PDLIM5: variants seen among roughly 807,000 people sequenced by gnomAD.
PDLIM5 encodes the protein PDZ and LIM domain 5.
Under a neutral mutation model 64.2 loss-of-function variants are expected in PDLIM5, and 34 were observed. The ratio of observed to expected loss-of-function variants is 0.53; its 90% CI spans 0.40 to 0.71. The LOEUF (loss-of-function observed/expected upper bound fraction) is 0.71, where lower values mean the gene tolerates loss of function less well. PDLIM5 is among the 30% of genes least tolerant of loss of function. The probability of loss-of-function intolerance (pLI) is 0.00; values close to 1 mark genes in which losing one functional copy is unlikely to be tolerated. For synonymous variants in PDLIM5, 253 were observed against 269.1 expected (o/e 0.94, Z 0.59); for missense variants, 683 against 733.6 (o/e 0.93, Z 0.80).
intron 2 of PDLIM5, chr4:94,456,515 T>A (rs557043126): frequency 7.1e-6 from 5 of 707,442 alleles, no homozygotes; most frequent in Admixed American, 4.0e-5. Flanking sequence ...TTTTATACTT[T>A]GCTTTTTTTT....
At chr4:94,525,197 T>C (rs1373495909) in intron 3 of PDLIM5, among the ~76,000 whole-genome samples, 2 of 152,144 alleles carry the variant, frequency 1.3e-5, no homozygotes, top group East Asian at 3.9e-4. Context: ...GGTGGGTGGA[T>C]CACCTGAGGT....
chr4:94,561,540 A>T (rs1212805161), intron 3 of PDLIM5, among the ~76,000 whole-genome samples: 1 of 150,612 alleles, frequency 6.6e-6, no homozygotes, highest in East Asian at 1.9e-4. Flanking sequence ...AGCATGGAAC[A>T]TGTGTTTTTT....
At chr4:94,577,470 T>C in intron 5 of PDLIM5, 1 of 336,576 alleles carries the variant, frequency 3.0e-6, no homozygotes, top group South Asian at 2.3e-5. Context: ...AGTTCTGATA[T>C]ATATATATAT....
At chr4:94,614,253 G>A (rs545966947) in intron 7 of PDLIM5, among the ~76,000 whole-genome samples, 1 of 152,110 alleles carries the variant, frequency 6.6e-6, no homozygotes, top group South Asian at 2.1e-4. Context: ...GAGCCACCGC[G>A]CCCAGCCAAT....
At chr4:94,484,009 A>G (rs1726095760) in intron 2 of PDLIM5, among the ~76,000 whole-genome samples, 1 of 152,150 alleles carries the variant, frequency 6.6e-6, no homozygotes, top group African/African-American at 2.4e-5. Context: ...TCCAAGAGAG[A>G]CACTTGAGAC....
chr4:94,457,086 A>C (rs1723440996), intron 2 of PDLIM5: 2 of 865,790 alleles, frequency 2.3e-6, no homozygotes, highest in Non-Finnish European at 2.8e-6. Context: ...ATATACACAC[A>C]CATACTCTGC....
chr4:94,526,099 T>G (rs2110141331), intron 3 of PDLIM5, among the ~76,000 whole-genome samples: 1 of 152,318 alleles, frequency 6.6e-6, no homozygotes, highest in South Asian at 2.1e-4. Context: ...ACTGAAAGTT[T>G]ATTTAAGGGT....
chr4:94,528,455 G>T (rs933130521), intron 3 of PDLIM5, among the ~76,000 whole-genome samples: 1 of 152,040 alleles, frequency 6.6e-6, no homozygotes, highest in Non-Finnish European at 1.5e-5. Context: ...TAATTATTCC[G>T]TGTATATTAG....
intron 8 of PDLIM5, among the ~76,000 whole-genome samples, chr4:94,624,753 AG>A (rs1239600841): frequency 6.6e-6 from 1 of 152,206 alleles, no homozygotes; most frequent in Non-Finnish European, 1.5e-5. Flanking sequence ...CGGGTAGGAA[AG>A]ACAAGTAGTT....
intron 3 of PDLIM5, among the ~76,000 whole-genome samples, chr4:94,565,303 A>T (rs560746979): frequency 6.6e-6 from 1 of 152,214 alleles, no homozygotes; most frequent in South Asian, 2.1e-4. Context: ...GAACACGATA[A>T]AAAATGTATT....
intron 7 of PDLIM5, among the ~76,000 whole-genome samples, chr4:94,602,792 A>C (rs966057647): frequency 1.7e-4 from 26 of 152,122 alleles, no homozygotes; most frequent in African/African-American, 5.8e-4. Flanking sequence ...ATTCCACTGA[A>C]GTTATTCTAA....
At chr4:94,480,885 C>A (rs1725791499) in intron 2 of PDLIM5, among the ~76,000 whole-genome samples, 1 of 152,104 alleles carries the variant, frequency 6.6e-6, no homozygotes, top group Non-Finnish European at 1.5e-5. Context: ...CGTATTAGTC[C>A]TTTTATATTT....
chr4:94,485,988 A>G (rs536996206), intron 2 of PDLIM5, among the ~76,000 whole-genome samples: 2 of 152,300 alleles, frequency 1.3e-5, no homozygotes, highest in South Asian at 4.1e-4. Flanking sequence ...AGGAGGTCTC[A>G]AAGGCCCCCC....
intron 2 of PDLIM5, among the ~76,000 whole-genome samples, chr4:94,523,108 A>G (rs1328134386): frequency 6.6e-6 from 1 of 152,198 alleles, no homozygotes; most frequent in Admixed American, 6.5e-5. Flanking sequence ...TGACATGCAC[A>G]AAAAAGTTGG....
rs745319971 is a variant in PDLIM5, at chr4:94,657,532, C to T, written c.1570C>T (p.Pro524Ser). The change falls in exon 11 of 13, where the codon CCC becomes TCC. Residue 524 changes from proline to serine, a missense_variant. Pro to Ser is a moderately conservative substitution (Grantham distance 74). Transcript: ENST00000317968. Reference sequence around the variant, plus strand: ...TGTTTTTCACTTGGAGGATGGTGAACCCTACTGTGAGACTGGTAAGATCAG... The same window carrying T: ...TGTTTTTCACTTGGAGGATGGTGAATCCTACTGTGAGACTGGTAAGATCAG... ...NNVFHLEDGE[P>S]YCETDYYALF... 1.9e-6 allele frequency: 3 copies of T among 1,610,556 alleles called. No homozygotes were observed. The East Asian group carries it at 6.7e-5, about 36-fold the overall frequency.
chr4:94,600,286 G>C (rs1264567771), intron 7 of PDLIM5, among the ~76,000 whole-genome samples: 1 of 152,122 alleles, frequency 6.6e-6, no homozygotes. Context: ...GGTGCGTTTG[G>C]GACATATGAT....
chr4:94,640,257 C>CT lies in PDLIM5; in HGVS notation c.1109-17dup. ...TATGTGGCTTATTCTCATTCTGATT[C>CT]TTCTGTTTTAACTCCTAGTACCTTC... is the stretch of plus-strand genomic sequence containing the variant. On this transcript the variant is annotated intron_variant, in intron 8 of 12. Transcript: ENST00000317968. The CT allele has an allele frequency of 6.9e-7, 1 of 1,456,170 alleles. No individual in the cohort carries two copies. Among genetic ancestry groups the CT allele is most frequent in the Non-Finnish European group, 9.5e-7 (1 of 1,054,896 alleles). 90.2% of individuals were successfully genotyped at this position (1,456,170 alleles called of 1,614,324 possible). A position where few individuals can be genotyped will look rare whatever the true frequency, so the allele number is the denominator to read the frequency against.
At chr4:94,602,584 C>G (rs1401455207) in intron 7 of PDLIM5, among the ~76,000 whole-genome samples, 1 of 152,118 alleles carries the variant, frequency 6.6e-6, no homozygotes, top group East Asian at 1.9e-4. Context: ...TCCCGAGTAG[C>G]TGGGATTACA....
Position 94,665,939 on chromosome 4 carries a change from TGTG to T in PDLIM5, c.*1875_*1877del. On this transcript the variant is annotated 3_prime_UTR_variant, in exon 13 of 13. Transcript: ENST00000317968. ...TACCACATGGAGACAGGGAAACAAT[TGTG>T]GTAAAACTGTGGATCCTGTTGCTAT... 1.3e-6 allele frequency: 2 copies of T among 1,513,894 alleles called. No individual in the cohort carries two copies. Among genetic ancestry groups the T allele is most frequent in the East Asian group, 4.9e-5 (2 of 40,618 alleles). The allele number at this position is 1,513,894 out of a possible 1,614,324, so 93.8% of individuals were successfully genotyped here.
Sources: allele counts gnomAD v4.1 joint callset (sites outside exome capture counted in the v4.1 genomes callset), GRCh38; gene constraint gnomAD v4.1.1; transcripts MANE v1.5; gene names NCBI Gene and HGNC (gene_info 2026-07-23, HGNC 2026-07-21).